The following PKP1 variants were observed in gnomAD, a reference collection of about 807,000 sequenced individuals.
The protein encoded by PKP1 is plakophilin 1.
Under a neutral mutation model 76.4 loss-of-function variants are expected in PKP1, and 27 were observed. That is an observed-to-expected ratio of 0.35 (90% CI 0.26 to 0.49). The LOEUF (loss-of-function observed/expected upper bound fraction) is 0.49. Ranked by LOEUF, PKP1 falls within the 20% of genes least tolerant of loss-of-function variation. The pLI is 0.99. For missense variants in PKP1, 964 were observed against 955.2 expected, an observed-to-expected ratio of 1.01 and a Z score of -0.12; for synonymous variants, 404 against 384.2, an observed-to-expected ratio of 1.05 and a Z score of -0.60.
intron 2 of PKP1, among the ~76,000 whole-genome samples, chr1:201,302,842 G>C (rs559805051): frequency 6.6e-6 from 1 of 152,344 alleles, no homozygotes; most frequent in African/African-American, 2.4e-5. Flanking sequence ...CTTCAGCAAG[G>C]GGTGAATCAC....
At chr1:201,317,862 T>A in intron 5 of PKP1, 83 bp downstream of exon 5, 1 of 1,312,210 alleles carries the variant, frequency 7.6e-7, no homozygotes, top group South Asian at 1.2e-5. Flanking sequence ...TGCAAGCCTG[T>A]CTCTCCAGGC....
chr1:201,326,867 A>C (rs1177690772), intron 12 of PKP1, among the ~76,000 whole-genome samples: 1 of 152,226 alleles, frequency 6.6e-6, no homozygotes, highest in East Asian at 1.9e-4. Context: ...AGAAGGAGGA[A>C]AGGCCAGGGA....
chr1:201,314,175 G>A (rs1656655543), intron 3 of PKP1, among the ~76,000 whole-genome samples: 1 of 152,206 alleles, frequency 6.6e-6, no homozygotes, highest in Non-Finnish European at 1.5e-5. Context: ...GACATGGCCT[G>A]GGTGTGGTGG....
intron 2 of PKP1, among the ~76,000 whole-genome samples, chr1:201,306,183 A>G (rs1349803225): frequency 1.3e-5 from 2 of 152,212 alleles, no homozygotes; most frequent in Non-Finnish European, 2.9e-5. Flanking sequence ...GTAGAGGGGG[A>G]AAGGTAAAAC....
intron 11 of PKP1, 88 bp from the exon 12 acceptor site, chr1:201,325,666 C>A (rs1458489492): frequency 1.0e-6 from 1 of 992,858 alleles, no homozygotes; most frequent in African/African-American, 1.6e-5. Context: ...TGTGTCCAGG[C>A]CCTGGCAGTG....
In PKP1 at chr1:201,330,910, G is replaced by T. The variant is rs1657303399; in HGVS notation, c.*869G>T. 6.6e-6 allele frequency: 1 copy of T among 152,262 alleles called. No homozygotes were observed. Among genetic ancestry groups the T allele is most frequent in the Non-Finnish European group, 1.5e-5 (1 of 68,046 alleles). 9.4% of individuals were successfully genotyped at this position (152,262 alleles called of 1,614,324 possible). A position where few individuals can be genotyped will look rare whatever the true frequency, so the allele number is the denominator to read the frequency against. On this transcript the variant is annotated 3_prime_UTR_variant, in exon 14 of 14. Coordinates refer to ENST00000367324, the MANE Select transcript of PKP1 (RefSeq NM_001005337.3). ...AGCAGGCTCAGCCTGCAAAGGCCCT[G>T]CATTCAGAGGTCTTGTAATCTACTT...
chr1:201,313,604 G>A (rs779911614), intron 3 of PKP1, 44 bp downstream of exon 3: 2 of 1,591,904 alleles, frequency 1.3e-6, no homozygotes, highest in African/African-American at 1.3e-5. Context: ...AGGGCCAGTG[G>A]GGAGACACAC....
intron 2 of PKP1, among the ~76,000 whole-genome samples, chr1:201,296,498 T>A (rs968799650): frequency 2.0e-5 from 3 of 152,186 alleles, no homozygotes; most frequent in Admixed American, 2.0e-4. Flanking sequence ...CAGCATATTT[T>A]CAGGAGCTTC....
intron 2 of PKP1, among the ~76,000 whole-genome samples, chr1:201,306,285 G>A (rs1421937442): frequency 6.6e-6 from 1 of 152,256 alleles, no homozygotes; most frequent in African/African-American, 2.4e-5. Flanking sequence ...AGCTGGCATA[G>A]TTGCGTGTTG....
chr1:201,294,013 T>A lies in PKP1; in HGVS notation c.274T>A (p.Phe92Ile), dbSNP rs571591332. 100 of 1,613,712 alleles carry A rather than the reference T, an allele frequency of 6.2e-5. 1 individual carries two copies. The South Asian group carries it at 1.1e-3, about 17-fold the overall frequency. ...TTSRSSYYSK[F>I]QAGNGSWGYP... Reference sequence around the variant, plus strand: ...CAGCAGGAGCAGCTACTACTCCAAGTTCCAGGCAGGGAATGGCTCATGGGG... The same window carrying A: ...CAGCAGGAGCAGCTACTACTCCAAGATCCAGGCAGGGAATGGCTCATGGGG... The change falls in exon 2 of 14, where the codon TTC becomes ATC. Residue 92 changes from phenylalanine to isoleucine, a missense_variant. Physicochemically the swap from Phe to Ile is conservative, Grantham distance 21 (BLOSUM62 0). Coordinates refer to ENST00000367324, the MANE Select transcript of PKP1 (RefSeq NM_001005337.3).
At chr1:201,329,002 C>A (rs1035114345) in intron 13 of PKP1, 134 bp downstream of exon 13, 60 of 710,042 alleles carry the variant, frequency 8.5e-5, no homozygotes, top group Non-Finnish European at 1.4e-4. Context: ...ACAACACAAG[C>A]AGTTGTGTAG....
intron 2 of PKP1, among the ~76,000 whole-genome samples, chr1:201,306,592 C>T (rs1356682371): frequency 6.6e-6 from 1 of 152,204 alleles, no homozygotes; most frequent in East Asian, 1.9e-4. Flanking sequence ...ACAGTTTCTG[C>T]TTTTCAAAGC....
At chr1:201,290,734 G>A (rs1240546555) in intron 1 of PKP1, among the ~76,000 whole-genome samples, 1 of 152,210 alleles carries the variant, frequency 6.6e-6, no homozygotes, top group Non-Finnish European at 1.5e-5. Flanking sequence ...GACCCAGCTG[G>A]GGCAATGCCC....
At chr1:201,300,110 C>T (rs1656181270) in intron 2 of PKP1, among the ~76,000 whole-genome samples, 1 of 152,230 alleles carries the variant, frequency 6.6e-6, no homozygotes, top group Non-Finnish European at 1.5e-5. Flanking sequence ...GGGCCCCAGG[C>T]TCTCACCCCA....
chr1:201,312,439 T>A (rs914121638), intron 2 of PKP1, among the ~76,000 whole-genome samples: 1 of 152,210 alleles, frequency 6.6e-6, no homozygotes, highest in African/African-American at 2.4e-5. Flanking sequence ...ACCGAGTGAC[T>A]ACTAGAAGGT....
rs1291110256 is a variant in PKP1, at chr1:201,320,267, G to A, written c.1233G>A (p.Arg411=). The A allele has an allele frequency of 6.2e-7, 1 of 1,607,982 alleles. No individual in the cohort carries two copies. Among genetic ancestry groups the A allele is most frequent in the East Asian group, 2.2e-5 (1 of 44,830 alleles). Residue 411 remains arginine, a splice_region_variant and synonymous_variant, in exon 7 of 14, where the codon AGG becomes AGA. Transcript: ENST00000367324. ...EVFFNATGCL[R]NLSSADAGRQ... ...TCTTCCACCCTCTTCTCTCCCCCAG[G>A]AACCTGAGCTCGGCCGATGCAGGCC...
intron 2 of PKP1, among the ~76,000 whole-genome samples, chr1:201,295,919 G>C (rs759866033): frequency 1.3e-5 from 2 of 151,920 alleles, no homozygotes; most frequent in Non-Finnish European, 2.9e-5. Context: ...GGCCCATGTT[G>C]AACATTTCAC....
chr1:201,294,308 C>T (rs1656015163), intron 2 of PKP1, among the ~76,000 whole-genome samples: 1 of 152,152 alleles, frequency 6.6e-6, no homozygotes, highest in Non-Finnish European at 1.5e-5. Context: ...AAAAACAAGT[C>T]CATTTCCCAG....
intron 2 of PKP1, among the ~76,000 whole-genome samples, chr1:201,304,503 G>A (rs879694039): frequency 2.0e-5 from 3 of 152,176 alleles, no homozygotes; most frequent in Admixed American, 6.5e-5. Context: ...TGGGACAGAT[G>A]GTCTTCCAGC....
Sources: gnomAD v4.1 joint callset for allele counts (sites outside exome capture counted in the v4.1 genomes callset) on GRCh38, gnomAD v4.1.1 for gene constraint, MANE v1.5 for transcripts, NCBI Gene and HGNC (gene_info 2026-07-23, HGNC 2026-07-21) for gene names.